The following ADRA1A variants were observed in gnomAD, a reference collection of about 807,000 sequenced individuals.
ADRA1A encodes alpha-1A adrenergic receptor.
In ADRA1A, 31 loss-of-function variants were observed where a neutral mutation model predicts 29.6. The observed-to-expected ratio is 1.05, with a 90% confidence interval of 0.79 to 1.41. The LOEUF (loss-of-function observed/expected upper bound fraction) is 1.41, where lower values mean the gene tolerates loss of function less well. Among genes scored for constraint, ADRA1A ranks in the 40% most tolerant of loss-of-function variants. The pLI is 0.00. For missense variants in ADRA1A, 619 were observed against 601.1 expected (o/e 1.03, Z -0.31); for synonymous variants, 311 against 254.3 (o/e 1.22, Z -2.12).
At chr8:26,780,933 T>C (rs1185632249) in intron 2 of ADRA1A, among the ~76,000 whole-genome samples, 1 of 152,234 alleles carries the variant, frequency 6.6e-6, no homozygotes, top group East Asian at 1.9e-4. Context: ...GAAAACAAGC[T>C]CAGGGCTCCC....
intron 2 of ADRA1A, among the ~76,000 whole-genome samples, chr8:26,817,481 T>C (rs926757641): frequency 6.6e-6 from 1 of 152,210 alleles, no homozygotes. Flanking sequence ...TGATTTCTTA[T>C]AAAGTTAAAC....
intron 2 of ADRA1A, among the ~76,000 whole-genome samples, chr8:26,833,077 C>G (rs531530062): frequency 6.6e-6 from 1 of 152,134 alleles, no homozygotes; most frequent in East Asian, 1.9e-4. Flanking sequence ...TATAGATATA[C>G]GTGTGTGTGG....
At chr8:26,837,829 G>A (rs1386517966) in intron 2 of ADRA1A, among the ~76,000 whole-genome samples, 3 of 152,182 alleles carry the variant, frequency 2.0e-5, no homozygotes, top group Admixed American at 6.5e-5. Context: ...GGCTCAATGA[G>A]TAGAAGCTCA....
At chr8:26,840,078 A>C (rs1811707582) in intron 2 of ADRA1A, among the ~76,000 whole-genome samples, 1 of 152,384 alleles carries the variant, frequency 6.6e-6, no homozygotes, top group East Asian at 1.9e-4. Context: ...GGGTTGTTGA[A>C]TCTATGTTGT....
In ADRA1A at chr8:26,841,374, C is replaced by G. The variant is rs1455575279; in HGVS notation, c.883+22713G>C. 6.6e-6 allele frequency among the ~76,000 whole-genome samples: 1 copy of G among 152,142 alleles called. No homozygotes were observed. Among genetic ancestry groups the G allele is most frequent in the African/African-American group, 2.4e-5 (1 of 41,428 alleles). ...TCTGAGCCACCAAAGCCTACCCCAC[C>G]CTTGCACCTCCTTTCTTACTCCCTT... On this transcript the variant is annotated intron_variant, in intron 2 of 2. Coordinates refer to ENST00000380573, the MANE Select transcript of ADRA1A (RefSeq NM_000680.4). This position sits in a 1 kb window ranked among gnomAD's most constrained non-coding sequence, Gnocchi z 4.4.
In ADRA1A at chr8:26,775,215, A is replaced by C. The variant is rs1019173125; in HGVS notation, c.884-4549T>G. ...ACAGACGGATGGACTGACTGACTGA[A>C]TGAATGAATGGCTGTGTCTCTGTGT... On this transcript the variant is annotated intron_variant, in intron 2 of 2. Coordinates refer to ENST00000380573, the MANE Select transcript of ADRA1A (RefSeq NM_000680.4). This position sits in a 1 kb window ranked among gnomAD's most constrained non-coding sequence, Gnocchi z 4.1. Among the ~76,000 whole-genome samples the C allele has an allele frequency of 3.3e-5, 5 of 152,198 alleles. No individual in the cohort carries two copies. The highest frequency in any genetic ancestry group is 7.3e-5 in the Non-Finnish European group (5 of 68,028).
Position 26,864,876 on chromosome 8 carries a change from T to C in ADRA1A, c.94A>G (p.Ile32Val), listed in dbSNP as rs1184664083. The change falls in exon 2 of 3, where the codon ATC becomes GTC. Residue 32 changes from isoleucine (I) to valine (V), a missense_variant. Transcript: ENST00000380573. The surrounding 1 kb of genome is among the most constrained non-coding windows in gnomAD (Gnocchi z 8.1). ...CCGAAAAGAATGAGGCCCCCCAAGA[T>C]CACCCCGAGCAGAATGGCCTTGGAA... The part of the protein sequence containing the change: ...NISKAILLGV[I>V]LGGLILFGVL... The C allele has an allele frequency of 6.2e-7, 1 of 1,613,722 alleles. No individual in the cohort carries two copies.
chr8:26,809,911 C>T (rs904908831), intron 2 of ADRA1A, among the ~76,000 whole-genome samples: 1 of 152,178 alleles, frequency 6.6e-6, no homozygotes, highest in Non-Finnish European at 1.5e-5. Context: ...ACAATTTGGT[C>T]CTTAGACTTC....
intron 2 of ADRA1A, among the ~76,000 whole-genome samples, chr8:26,819,839 C>G (rs923329111): frequency 2.0e-5 from 3 of 151,986 alleles, no homozygotes; most frequent in African/African-American, 7.2e-5. Context: ...AAAACAAGAT[C>G]CAAAAACATG....
At chr8:26,754,630 C>T (rs991220354), downstream of ADRA1A, among the ~76,000 whole-genome samples, 15 of 152,058 alleles carry the variant, frequency 9.9e-5, no homozygotes, top group Admixed American at 2.6e-4. Context: ...CAAGCAGAAA[C>T]GCTGCAGCAA....
downstream of ADRA1A, among the ~76,000 whole-genome samples, chr8:26,754,897 C>A (rs139750207): frequency 2.6e-5 from 4 of 152,162 alleles, no homozygotes; most frequent in African/African-American, 9.6e-5. Context: ...TTCAATGTAG[C>A]GTGAGCTGTG....
downstream of ADRA1A, among the ~76,000 whole-genome samples, chr8:26,762,650 CAG>C (rs567819644): frequency 5.9e-4 from 90 of 152,262 alleles, no homozygotes; most frequent in African/African-American, 2.0e-3. The surrounding 1 kb of genome is among the most constrained non-coding windows in gnomAD (Gnocchi z 4.0). Flanking sequence ...CAAGACCAAA[CAG>C]GGGACGAAGA....
intron 2 of ADRA1A, chr8:26,859,107 C>T (rs1306313250): frequency 7.8e-7 from 1 of 1,289,694 alleles, no homozygotes; most frequent in Non-Finnish European, 1.0e-6. Context: ...TCATCCCTGC[C>T]CTGGTTTCAG....
At chr8:26,772,655 A>G (rs572649946) in intron 2 of ADRA1A, among the ~76,000 whole-genome samples, 1 of 152,270 alleles carries the variant, frequency 6.6e-6, no homozygotes, top group East Asian at 1.9e-4. Flanking sequence ...CTGTGGACCT[A>G]TCAGAGCCGT....
At chr8:26,765,813 A>G, downstream of ADRA1A, 12 of 1,332,892 alleles carry the variant, frequency 9.0e-6, no homozygotes, top group Non-Finnish European at 1.2e-5. Context: ...CCCAGAAGCA[A>G]TTGAGAAAGT....
chr8:26,795,773 G>A (rs1442183523), intron 2 of ADRA1A, among the ~76,000 whole-genome samples: 1 of 152,098 alleles, frequency 6.6e-6, no homozygotes, highest in Non-Finnish European at 1.5e-5. Flanking sequence ...ACCATAAGGA[G>A]GAGAATATAT....
At chr8:26,797,518 C>G (rs73558295) in intron 2 of ADRA1A, among the ~76,000 whole-genome samples, 90 of 152,094 alleles carry the variant, frequency 5.9e-4, no homozygotes, top group African/African-American at 2.1e-3. Flanking sequence ...AGGCTGGGCA[C>G]AAACTCCTGA....
chr8:26,774,191 A>G (rs1186308263), intron 2 of ADRA1A, among the ~76,000 whole-genome samples: 1 of 152,210 alleles, frequency 6.6e-6, no homozygotes, highest in Admixed American at 6.5e-5. Flanking sequence ...GCATGCTCCC[A>G]AACTGATAGT....
At chr8:26,798,879 A>G (rs1192060636) in intron 2 of ADRA1A, among the ~76,000 whole-genome samples, 1 of 152,160 alleles carries the variant, frequency 6.6e-6, no homozygotes, top group African/African-American at 2.4e-5. Context: ...TATTACCAAC[A>G]TCTCTGATGT....
Sources: gnomAD v4.1 joint callset for allele counts (sites outside exome capture counted in the v4.1 genomes callset) on GRCh38, gnomAD v4.1.1 for gene constraint, Gnocchi (gnomAD v3.1) non-coding constraint, MANE v1.5 for transcripts, NCBI Gene and HGNC (gene_info 2026-07-23, HGNC 2026-07-21) for gene names.